The following ROBO2 variants were observed in gnomAD, a reference collection of about 807,000 sequenced individuals.
The protein encoded by ROBO2 is roundabout guidance receptor 2.
In ROBO2, 53 loss-of-function variants were observed where a neutral mutation model predicts 160.8. That is an observed-to-expected ratio of 0.33 (90% CI 0.26 to 0.41). The LOEUF is 0.41. Among genes scored for constraint, ROBO2 ranks in the 10% least tolerant of loss-of-function variants. ROBO2 has a pLI of 1.00. For synonymous variants in ROBO2, 664 were observed against 611.7 expected (o/e 1.09, Z -1.26); for missense variants, 1,577 against 1,722.4 (o/e 0.92, Z 1.49).
chr3:76,879,124 C>T (rs1319236802), intron 2 of ROBO2, among the ~76,000 whole-genome samples: 1 of 152,142 alleles, frequency 6.6e-6, no homozygotes, highest in African/African-American at 2.4e-5. Context: ...TTTCCTAATT[C>T]TACTTTTATG....
chr3:77,172,015 C>A (rs1454521152), intron 2 of ROBO2, among the ~76,000 whole-genome samples: 5 of 152,140 alleles, frequency 3.3e-5, no homozygotes, highest in African/African-American at 1.2e-4. Flanking sequence ...GGCTAATCAC[C>A]TCTTAGAGTC....
At chr3:76,455,654 TAAG>T (rs1214523318) in intron 2 of ROBO2, among the ~76,000 whole-genome samples, 1 of 152,122 alleles carries the variant, frequency 6.6e-6, no homozygotes, top group Admixed American at 6.6e-5. Context: ...CGTAATCCTA[TAAG>T]GAGATTTAAA....
intron 2 of ROBO2, among the ~76,000 whole-genome samples, chr3:77,272,416 C>G (rs1045414112): frequency 5.9e-5 from 9 of 151,460 alleles, no homozygotes; most frequent in Admixed American, 2.0e-4. Flanking sequence ...AAGAGAAGGG[C>G]GGGGGGGAGG....
At chr3:77,549,621 G>A (rs2092838170) in intron 7 of ROBO2, among the ~76,000 whole-genome samples, 2 of 151,942 alleles carry the variant, frequency 1.3e-5, no homozygotes, top group Admixed American at 1.3e-4. Context: ...CTAATAAAGT[G>A]GACATCCATC....
intron 2 of ROBO2, among the ~76,000 whole-genome samples, chr3:77,352,060 C>T (rs912341292): frequency 2.7e-5 from 4 of 149,924 alleles, no homozygotes; most frequent in Non-Finnish European, 4.4e-5. Flanking sequence ...AACAAACCTG[C>T]ACATTGTGCA....
intron 2 of ROBO2, among the ~76,000 whole-genome samples, chr3:77,008,564 T>A (rs1048959211): frequency 6.6e-6 from 1 of 152,252 alleles, no homozygotes; most frequent in East Asian, 1.9e-4. Flanking sequence ...AGTAATCTTA[T>A]TGCTTGAGGA....
chr3:76,492,766 A>C (rs1217053752), intron 2 of ROBO2, among the ~76,000 whole-genome samples: 3 of 152,060 alleles, frequency 2.0e-5, no homozygotes, highest in Admixed American at 2.0e-4. Context: ...GGACTTTCTG[A>C]CCAGTTATCC....
chr3:77,605,264 C>T (rs1328421948), intron 20 of ROBO2, among the ~76,000 whole-genome samples: 1 of 151,536 alleles, frequency 6.6e-6, no homozygotes, highest in Non-Finnish European at 1.5e-5. Flanking sequence ...AATATGCTCC[C>T]TTAAAAGATA....
chr3:76,672,929 T>C (rs777021953), intron 2 of ROBO2, among the ~76,000 whole-genome samples: 2 of 151,940 alleles, frequency 1.3e-5, no homozygotes, highest in Admixed American at 6.6e-5. Context: ...TTAATATTGA[T>C]TGTATTCTCC....
At position 76,296,749 on chromosome 3, in the gene ROBO2, G is replaced by A. The variant is rs111704457; in HGVS notation, c.109+359147G>A. 2.1e-3 allele frequency among the ~76,000 whole-genome samples: 322 copies of A among 152,274 alleles called. 2 individuals are homozygous for A. Among genetic ancestry groups the A allele is most frequent in the African/African-American group, 7.4e-3 (307 of 41,538 alleles). ...GTCACTCTTCGGGGAACTGCATATG[G>A]TGCCAGTGTCTAACTAACTTGCCGA... On this transcript the variant is annotated intron_variant, in intron 2 of 26. Transcript: ENST00000487694.
intron 2 of ROBO2, among the ~76,000 whole-genome samples, chr3:76,736,684 T>G (rs2093718618): frequency 6.6e-6 from 1 of 152,234 alleles, no homozygotes; most frequent in South Asian, 2.1e-4. Flanking sequence ...AACTGGACTT[T>G]GAAAACTCTT....
chr3:77,338,348 C>T (rs973805074), intron 2 of ROBO2, among the ~76,000 whole-genome samples: 3 of 152,142 alleles, frequency 2.0e-5, no homozygotes, highest in Non-Finnish European at 2.9e-5. Flanking sequence ...ACTTTCAACA[C>T]GTAGTTGCTC....
At chr3:75,913,404 C>T (rs1348642603) in intron 1 of ROBO2, among the ~76,000 whole-genome samples, 1 of 152,138 alleles carries the variant, frequency 6.6e-6, no homozygotes, top group East Asian at 1.9e-4. Flanking sequence ...ATTATGCAGC[C>T]TATCATAAGT....
chr3:76,007,547 T>G (rs1189726163), intron 2 of ROBO2, among the ~76,000 whole-genome samples: 1 of 152,294 alleles, frequency 6.6e-6, no homozygotes, highest in Admixed American at 6.5e-5. Context: ...TTAAAAATGC[T>G]TTTTCATGCA....
At chr3:76,217,286 T>G (rs1215851841) in intron 2 of ROBO2, among the ~76,000 whole-genome samples, 6 of 152,072 alleles carry the variant, frequency 3.9e-5, no homozygotes, top group Admixed American at 3.9e-4. Context: ...ATTCAAAAGC[T>G]AGCAGAAGGC....
intron 1 of ROBO2, among the ~76,000 whole-genome samples, chr3:77,051,726 A>G (rs1026897745): frequency 6.6e-6 from 1 of 152,214 alleles, no homozygotes; most frequent in Non-Finnish European, 1.5e-5. Context: ...ATGGATCTCT[A>G]TAGGAGGTTA....
At chr3:76,566,912 G>A (rs955760855) in intron 2 of ROBO2, among the ~76,000 whole-genome samples, 20 of 152,296 alleles carry the variant, frequency 1.3e-4, no homozygotes, top group African/African-American at 4.6e-4. Flanking sequence ...GGCACACAGA[G>A]ATTCCTCCAT....
intron 2 of ROBO2, among the ~76,000 whole-genome samples, chr3:76,108,554 T>G (rs2070058550): frequency 6.6e-6 from 1 of 152,000 alleles, no homozygotes; most frequent in East Asian, 1.9e-4. Flanking sequence ...TTGAATTATA[T>G]CTATACTATG....
At chr3:77,354,063 C>A (rs945096004) in intron 2 of ROBO2, among the ~76,000 whole-genome samples, 5 of 152,108 alleles carry the variant, frequency 3.3e-5, no homozygotes, top group African/African-American at 1.2e-4. Flanking sequence ...AAAAACAGCC[C>A]TGAGAAACTC....
Sources: allele counts gnomAD v4.1 joint callset (sites outside exome capture counted in the v4.1 genomes callset), GRCh38; gene constraint gnomAD v4.1.1; transcripts MANE v1.5; gene names NCBI Gene and HGNC (gene_info 2026-07-23, HGNC 2026-07-21).